The following UEVLD variants were observed in gnomAD, a reference collection of about 807,000 sequenced individuals.
The protein encoded by UEVLD is UEV and lactate/malate dehyrogenase domains.
UEVLD carries 47 observed loss-of-function variants against 58.6 expected under a neutral mutation model. The observed-to-expected ratio is 0.80, with a 90% CI of 0.63 to 1.02. The LOEUF (loss-of-function observed/expected upper bound fraction) is 1.02. Among genes scored for constraint, UEVLD ranks in the 50% least tolerant of loss-of-function variants. The pLI, the probability that UEVLD is intolerant of heterozygous loss-of-function variation, is 0.00. For missense variants in UEVLD, 510 were observed against 550.6 expected, an observed-to-expected ratio of 0.93 and a Z score of 0.74; for synonymous variants, 197 against 195.3, an observed-to-expected ratio of 1.01 and a Z score of -0.07.
intron 1 of UEVLD, among the ~76,000 whole-genome samples, chr11:18,587,132 T>G (rs1853616538): frequency 6.6e-6 from 1 of 152,198 alleles, no homozygotes; most frequent in Non-Finnish European, 1.5e-5. Context: ...CTCTCACCCT[T>G]GAAAAAACCA....
intron 6 of UEVLD, among the ~76,000 whole-genome samples, chr11:18,563,070 C>G (rs2134016319): frequency 6.8e-6 from 1 of 147,958 alleles, no homozygotes; most frequent in African/African-American, 2.5e-5. Context: ...AAAACCATGA[C>G]TTTCAGACTT....
At chr11:18,574,147 G>A (rs184033799) in intron 3 of UEVLD, among the ~76,000 whole-genome samples, 149 of 152,252 alleles carry the variant, frequency 9.8e-4, no homozygotes, top group African/African-American at 3.3e-3. Context: ...CAAAAGAACA[G>A]TGAACTTTTA....
At chr11:18,566,584 G>A in intron 4 of UEVLD, 102 bp from the exon 5 acceptor site, 1 of 1,263,796 alleles carries the variant, frequency 7.9e-7, no homozygotes, top group South Asian at 1.4e-5. Flanking sequence ...AGTTTCAGAT[G>A]CAGTGAGTTA....
intron 7 of UEVLD, among the ~76,000 whole-genome samples, chr11:18,554,569 TGTAGTTTTA>T (rs1851674534): frequency 1.3e-5 from 2 of 151,440 alleles, no homozygotes; most frequent in Non-Finnish European, 1.5e-5. Flanking sequence ...GCTAATTTTT[TGTAGTTTTA>T]GTAGAGATGG....
chr11:18,563,021 G>T (rs993008683), intron 6 of UEVLD, among the ~76,000 whole-genome samples: 1 of 151,614 alleles, frequency 6.6e-6, no homozygotes, highest in Non-Finnish European at 1.5e-5. Context: ...ATGCCAACTT[G>T]GGCTACAGAG....
Position 18,531,924 on chromosome 11 carries a change from T to A in UEVLD, c.*396A>T, listed in dbSNP as rs1265763517. 1 of 152,644 alleles carries A rather than the reference T, an allele frequency of 6.6e-6. No homozygotes were observed. Among genetic ancestry groups the A allele is most frequent in the African/African-American group, 2.4e-5 (1 of 41,458 alleles). The allele number at this position is 152,644 out of a possible 1,614,324, so 9.5% of individuals were successfully genotyped here. Reference sequence around the variant, plus strand: ...AACTGACACAGATTTTGTAAATCCATACTGGGCCTGGAACTTATGTTGATT... The same window carrying A: ...AACTGACACAGATTTTGTAAATCCAAACTGGGCCTGGAACTTATGTTGATT... On this transcript the variant is annotated 3_prime_UTR_variant, in exon 12 of 12. Coordinates refer to ENST00000396197, the MANE Select transcript of UEVLD (RefSeq NM_001040697.4).
Position 18,569,130 on chromosome 11 carries a change from G to A in UEVLD, c.357+1084C>T, listed in dbSNP as rs201149005. On this transcript the variant is annotated intron_variant, in intron 4 of 11. Coordinates refer to ENST00000396197, the MANE Select transcript of UEVLD (RefSeq NM_001040697.4). ...AAGATGGTCTCGATCTCCTGACCTC[G>A]TGATCCACCCGCCTCGGCCTACCAA... 3.0e-4 allele frequency among the ~76,000 whole-genome samples: 45 copies of A among 152,184 alleles called. No individual in the cohort carries two copies. In the East Asian group the frequency reaches 7.3e-3, roughly 25 times the overall value.
In UEVLD at chr11:18,564,988, CTT is replaced by C; in HGVS notation, c.514_515del (p.Lys172GlufsTer6). 1 of 1,612,952 alleles carries C rather than the reference CTT, an allele frequency of 6.2e-7. No individual in the cohort carries two copies. The highest frequency in any genetic ancestry group is 8.5e-7 in the Non-Finnish European group (1 of 1,179,424). The part of the protein sequence containing the change: ...ITEGVSDTNS[K>X]SWANHENKTV... Reference sequence around the variant, plus strand: ...TTTTATTCTCATGATTTGCCCAGCTCTTTGAATTTGTATCTGAAACACCTAGA... The same window carrying C: ...TTTTATTCTCATGATTTGCCCAGCTCTGAATTTGTATCTGAAACACCTAGA... On this transcript the variant is annotated frameshift_variant, in exon 6 of 12. Coordinates refer to ENST00000396197, the MANE Select transcript of UEVLD (RefSeq NM_001040697.4). LOFTEE classifies it high-confidence loss of function.
intron 1 of UEVLD, among the ~76,000 whole-genome samples, chr11:18,579,194 C>T (rs547399079): frequency 2.6e-4 from 39 of 152,194 alleles, no homozygotes; most frequent in African/African-American, 5.8e-4. Context: ...TGACAATTTA[C>T]GGTGTGGTAG....
chr11:18,546,909 T>C lies in UEVLD; in HGVS notation c.857A>G (p.His286Arg). 1 of 1,613,894 alleles carries C rather than the reference T, an allele frequency of 6.2e-7. No homozygotes were observed. Among genetic ancestry groups the C allele is most frequent in the African/African-American group, 1.3e-5 (1 of 75,022 alleles). ...TTGAGATGCAACGAGCAGGACACTG[T>C]GTTGACTATAATGTCCCAGAGCTGG... ...LVPALGHYSQ[H>R]SVLLVASQPV... The change falls in exon 8 of 12, where the codon CAC becomes CGC. Residue 286 changes from histidine to arginine, a missense_variant. Physicochemically the swap from His to Arg is conservative, Grantham distance 29. Coordinates refer to ENST00000396197, the MANE Select transcript of UEVLD (RefSeq NM_001040697.4).
chr11:18,572,576 G>A (rs1405647981), intron 3 of UEVLD, among the ~76,000 whole-genome samples: 4 of 152,094 alleles, frequency 2.6e-5, no homozygotes, highest in South Asian at 2.1e-4. Flanking sequence ...AGGCAGAGGC[G>A]GGCGGATCAC....
intron 7 of UEVLD, among the ~76,000 whole-genome samples, chr11:18,554,644 C>T (rs1003489531): frequency 2.0e-5 from 3 of 152,042 alleles, no homozygotes; most frequent in Admixed American, 6.5e-5. Flanking sequence ...GTGATCCACC[C>T]GCCTCGGCCT....
At chr11:18,547,549 A>AG (rs924114814) in intron 7 of UEVLD, among the ~76,000 whole-genome samples, 18 of 152,124 alleles carry the variant, frequency 1.2e-4, no homozygotes, top group African/African-American at 3.4e-4. Context: ...GTGTATCCCC[A>AG]GGGGGGAAGA....
chr11:18,561,386 G>A (rs369959899), intron 6 of UEVLD, among the ~76,000 whole-genome samples: 97 of 151,942 alleles, frequency 6.4e-4, no homozygotes, highest in African/African-American at 2.0e-3. Flanking sequence ...CTGAGGTCAG[G>A]AGTGAGTTCC....
chr11:18,560,124 C>T lies in UEVLD; in HGVS notation c.613-1794G>A, dbSNP rs1389171699. 2.8e-4 allele frequency among the ~76,000 whole-genome samples: 24 copies of T among 85,728 alleles called. 1 individual carries two copies. Among genetic ancestry groups the T allele is most frequent in the African/African-American group, 1.1e-3 (22 of 19,268 alleles). The allele number at this position is 85,728 out of a possible 152,430, so 56.2% of individuals were successfully genotyped here. A position where few individuals can be genotyped will look rare whatever the true frequency, so the allele number is the denominator to read the frequency against. On this transcript the variant is annotated intron_variant, in intron 6 of 11. Transcript: ENST00000396197. ...ACACACACACACACACACACACACA[C>T]ACACACACACACACAGAGAGAGAAA...
At chr11:18,561,667 C>A (rs918931088) in intron 6 of UEVLD, among the ~76,000 whole-genome samples, 2 of 152,066 alleles carry the variant, frequency 1.3e-5, no homozygotes, top group Non-Finnish European at 2.9e-5. Context: ...CATGGTGAAA[C>A]CCCGTCTCTA....
intron 7 of UEVLD, among the ~76,000 whole-genome samples, chr11:18,549,096 A>G (rs1234525505): frequency 6.6e-6 from 1 of 152,254 alleles, no homozygotes; most frequent in Non-Finnish European, 1.5e-5. Context: ...TGAGGCACAG[A>G]GAAGTTAAAT....
chr11:18,588,631 C>T lies in UEVLD; in HGVS notation c.24G>A (p.Leu8=). The T allele has an allele frequency of 6.2e-7, 1 of 1,610,238 alleles. No homozygotes were observed. The highest frequency in any genetic ancestry group is 8.5e-7 in the Non-Finnish European group (1 of 1,179,870). MEFDCEG[L]RRLLGKYKFR... ...CCCGCACCTTGCCAAGCAGCCGTCT[C>T]AGGCCCTCGCAGTCGAACTCCATCT... Residue 8 remains leucine, a synonymous_variant, in exon 1 of 12, where the codon CTG becomes CTA. Coordinates refer to ENST00000396197, the MANE Select transcript of UEVLD (RefSeq NM_001040697.4).
intron 1 of UEVLD, among the ~76,000 whole-genome samples, chr11:18,580,991 C>A (rs1031495066): frequency 2.0e-4 from 31 of 151,952 alleles, no homozygotes; most frequent in African/African-American, 6.5e-4. Flanking sequence ...GGTGAAACCC[C>A]ATCTCTAATA....
Sources: gnomAD v4.1 joint callset for allele counts (sites outside exome capture counted in the v4.1 genomes callset) on GRCh38, gnomAD v4.1.1 for gene constraint, MANE v1.5 for transcripts, NCBI Gene and HGNC (gene_info 2026-07-23, HGNC 2026-07-21) for gene names.